Variants in DAB1 observed in about 807,000 individuals in gnomAD.
DAB1 encodes the protein disabled homolog 1.
Under a neutral mutation model 64.6 loss-of-function variants are expected in DAB1, and 15 were observed. That is an observed-to-expected ratio of 0.23 (90% CI 0.16 to 0.36). DAB1 has a LOEUF of 0.36. DAB1 is among the 10% of genes least tolerant of loss of function. The pLI, the probability that DAB1 is intolerant of heterozygous loss-of-function variation, is 1.00. For missense variants in DAB1, 596 were observed against 706.7 expected (o/e 0.84, Z 1.78); for synonymous variants, 235 against 251.9 (o/e 0.93, Z 0.64).
At chr1:57,080,187 T>C (rs1257299327) in intron 4 of DAB1, among the ~76,000 whole-genome samples, 4 of 152,202 alleles carry the variant, frequency 2.6e-5, no homozygotes, top group Non-Finnish European at 5.9e-5. Flanking sequence ...AATTTTTGTC[T>C]TCCCAAACTC....
intron 3 of DAB1, among the ~76,000 whole-genome samples, chr1:58,441,629 G>A (rs1005863975): frequency 3.9e-5 from 6 of 152,076 alleles, no homozygotes; most frequent in Non-Finnish European, 5.9e-5. Flanking sequence ...TGTCAGATTC[G>A]ATGATCCCTA....
chr1:57,993,141 C>T (rs1242327512), intron 5 of DAB1, among the ~76,000 whole-genome samples: 1 of 152,138 alleles, frequency 6.6e-6, no homozygotes, highest in Non-Finnish European at 1.5e-5. Context: ...TTACCCTGAG[C>T]ACAACACATT....
In DAB1 at chr1:58,225,311, T is replaced by A. The variant is rs939394371; in HGVS notation, n.310-74723A>T. Among the ~76,000 whole-genome samples the A allele has an allele frequency of 7.9e-5, 12 of 152,208 alleles. No individual in the cohort carries two copies. The East Asian group carries it at 1.9e-3, about 25-fold the overall frequency. ...GGCAATCATTAAAAAGTCAGGAAAC[T>A]ACAGGTGCTGAAGAGGATGTGGAGA... On this transcript the variant is annotated intron_variant and non_coding_transcript_variant, in intron 4 of 20. Transcript: ENST00000485760.
chr1:57,164,169 T>C (rs1661019596), intron 2 of DAB1, among the ~76,000 whole-genome samples: 1 of 152,140 alleles, frequency 6.6e-6, no homozygotes, highest in Admixed American at 6.5e-5. Context: ...TCCATAAATA[T>C]GAGTTCCTTT....
intron 5 of DAB1, among the ~76,000 whole-genome samples, chr1:57,940,657 T>G (rs1557567395): frequency 6.6e-6 from 1 of 152,214 alleles, no homozygotes; most frequent in South Asian, 2.1e-4. Flanking sequence ...GTAACACCAG[T>G]GCCACTGCTC....
intron 7 of DAB1, among the ~76,000 whole-genome samples, chr1:57,486,843 A>G (rs1558426348): frequency 6.6e-6 from 1 of 152,114 alleles, no homozygotes; most frequent in African/African-American, 2.4e-5. Flanking sequence ...GAACAAAAAT[A>G]TAAGGCAGGC....
chr1:57,269,126 G>T (rs545015944), intron 2 of DAB1, among the ~76,000 whole-genome samples: 2 of 152,216 alleles, frequency 1.3e-5, no homozygotes, highest in African/African-American at 4.8e-5. Flanking sequence ...ACCGGAAGTG[G>T]AGAGGTAGAA....
chr1:57,947,721 G>T (rs141298644), intron 5 of DAB1, among the ~76,000 whole-genome samples: 189 of 152,234 alleles, frequency 1.2e-3, no homozygotes, highest in African/African-American at 4.5e-3. Flanking sequence ...AGAAATTGAC[G>T]CCTATGGAGA....
Position 58,219,021 on chromosome 1 carries a change from CTCTCTG to C in DAB1, n.310-68439_310-68434del, listed in dbSNP as rs752104172. 4.2e-3 allele frequency among the ~76,000 whole-genome samples: 526 copies of C among 125,690 alleles called. 4 individuals carry two copies. The highest frequency in any genetic ancestry group is 6.6e-3 in the Non-Finnish European group (378 of 57,552). The allele number at this position is 125,690 out of a possible 152,430, so 82.5% of individuals were successfully genotyped here. A position where few individuals can be genotyped will look rare whatever the true frequency, so the allele number is the denominator to read the frequency against. ...TCTCTCTCTCTCTCTCTCTCTCTCT[CTCTCTG>C]TGTGTGTGTGTGTGTGTTTCAATTT... On this transcript the variant is annotated intron_variant and non_coding_transcript_variant, in intron 4 of 20. Transcript: ENST00000485760.
chr1:57,970,595 C>T (rs1340189941), intron 5 of DAB1, among the ~76,000 whole-genome samples: 1 of 152,072 alleles, frequency 6.6e-6, no homozygotes, highest in African/African-American at 2.4e-5. Context: ...AGCAGATTAC[C>T]CAGAAGATAC....
chr1:58,124,801 C>T (rs1021908017), intron 5 of DAB1, among the ~76,000 whole-genome samples: 1 of 152,192 alleles, frequency 6.6e-6, no homozygotes, highest in African/African-American at 2.4e-5. Flanking sequence ...TATAACGTCA[C>T]ATTCCTCATA....
chr1:57,140,201 A>G (rs1658470766), intron 3 of DAB1, among the ~76,000 whole-genome samples: 1 of 152,138 alleles, frequency 6.6e-6, no homozygotes, highest in African/African-American at 2.4e-5. Context: ...TAGCCACCTG[A>G]CCTAGTAAGT....
At chr1:58,243,935 GA>G (rs916432321) in intron 4 of DAB1, among the ~76,000 whole-genome samples, 13 of 149,356 alleles carry the variant, frequency 8.7e-5, no homozygotes, top group African/African-American at 2.7e-4. Flanking sequence ...GGTTGACAAT[GA>G]AAAAAAAACA....
intron 1 of DAB1, among the ~76,000 whole-genome samples, chr1:57,841,626 A>G (rs1653053869): frequency 6.6e-6 from 1 of 152,192 alleles, no homozygotes; most frequent in South Asian, 2.1e-4. Flanking sequence ...CTCTGAATCA[A>G]TGGCCTGAGC....
At chr1:57,418,507 A>G (rs894107976) in intron 1 of DAB1, among the ~76,000 whole-genome samples, 6 of 152,202 alleles carry the variant, frequency 3.9e-5, no homozygotes, top group Non-Finnish European at 8.8e-5. Context: ...GTAATTTGCA[A>G]GACTCACTAC....
At chr1:58,407,550 A>G (rs1000955482) in intron 3 of DAB1, among the ~76,000 whole-genome samples, 1 of 152,154 alleles carries the variant, frequency 6.6e-6, no homozygotes, top group Admixed American at 6.5e-5. Flanking sequence ...GCCTCTGGTG[A>G]GTAGAAGCCA....
intron 1 of DAB1, among the ~76,000 whole-genome samples, chr1:57,848,104 T>C (rs1653366534): frequency 6.6e-6 from 1 of 152,244 alleles, no homozygotes; most frequent in African/African-American, 2.4e-5. Context: ...TCAAGTATTA[T>C]GTTAAACAAC....
intron 12 of DAB1, among the ~76,000 whole-genome samples, chr1:57,013,778 G>A (rs78718615): frequency 0.011 from 1,647 of 152,302 alleles, 27 homozygotes; most frequent in African/African-American, 0.038. Flanking sequence ...TCCCTGAATT[G>A]TGTCAAACAA....
intron 6 of DAB1, among the ~76,000 whole-genome samples, chr1:57,657,699 A>C (rs189216743): frequency 3.3e-5 from 5 of 152,266 alleles, no homozygotes; most frequent in Admixed American, 3.3e-4. Flanking sequence ...GAGACCCTTT[A>C]CCTCCACCCC....
Sources: allele counts gnomAD v4.1 joint callset (sites outside exome capture counted in the v4.1 genomes callset), GRCh38; gene constraint gnomAD v4.1.1; transcripts MANE v1.5; gene names NCBI Gene and HGNC (gene_info 2026-07-23, HGNC 2026-07-21).